The following CCNG1 variants were observed in gnomAD, a reference collection of about 807,000 sequenced individuals.
CCNG1 encodes the protein cyclin-G1.
In CCNG1, 13 loss-of-function variants were observed where a neutral mutation model predicts 30.0. The observed-to-expected ratio is 0.43, with a 90% CI of 0.28 to 0.69. The LOEUF (loss-of-function observed/expected upper bound fraction) is 0.69, where lower values mean the gene tolerates loss of function less well. Ranked by LOEUF, CCNG1 falls within the 30% of genes least tolerant of loss-of-function variation. The probability of loss-of-function intolerance (pLI) is 0.16; values close to 1 mark genes in which losing one functional copy is unlikely to be tolerated. For synonymous variants in CCNG1, 110 were observed against 121.5 expected, an observed-to-expected ratio of 0.91 and a Z score of 0.62; for missense variants, 285 against 331.4, an observed-to-expected ratio of 0.86 and a Z score of 1.09.
the CCNG1 span, among the ~76,000 whole-genome samples, chr5:163,454,663 C>T: frequency 2.6e-5 from 4 of 152,108 alleles, no homozygotes; most frequent in African/African-American, 9.7e-5. Context: ...TTTTTGAGAG[C>T]TTTCTATATG....
chr5:163,451,519 TTTTAC>T, the CCNG1 span: 1 of 152,152 alleles, frequency 6.6e-6, no homozygotes, highest in Admixed American at 6.5e-5. Context: ...AAAAAGTTAA[TTTTAC>T]TTTACTCAAA....
downstream of CCNG1, chr5:163,449,242 G>C (rs1219927004): frequency 6.6e-6 from 1 of 152,122 alleles, no homozygotes; most frequent in Non-Finnish European, 1.5e-5. Flanking sequence ...AGTTTATGTA[G>C]AAAACTTAAT....
rs1346175065 is a variant in CCNG1 at position 163,439,549 on chromosome 5, T to C, written c.264+29T>C. 7 of 1,588,830 alleles carry C rather than the reference T, an allele frequency of 4.4e-6. No individual in the cohort carries two copies. The South Asian group carries it at 8.0e-5, about 18-fold the overall frequency. On this transcript the variant is annotated intron_variant, in intron 2 of 6. Coordinates refer to ENST00000340828, the MANE Select transcript of CCNG1 (RefSeq NM_004060.4). ...TGTTTGAAGCTACATTTTTGTAATT[T>C]TGCTCAGTGTGTTTTGGAGATGGAA...
chr5:163,449,427 T>A (rs1758121019), downstream of CCNG1: 1 of 152,216 alleles, frequency 6.6e-6, no homozygotes, highest in South Asian at 2.1e-4. Flanking sequence ...CACTGTGGAA[T>A]ATATGCTGAA....
At chr5:163,447,139 T>C (rs956213105), downstream of CCNG1, 3 of 152,164 alleles carry the variant, frequency 2.0e-5, no homozygotes, top group Non-Finnish European at 4.4e-5. Context: ...TAAGCACTTA[T>C]TATCAGATCT....
chr5:163,441,181 G>A lies in CCNG1; in HGVS notation c.368G>A (p.Arg123Gln), dbSNP rs769623245. Residue 123 changes from arginine to glutamine, a missense_variant, in exon 3 of 7, where the codon CGA (arginine) becomes CAA (glutamine). By Grantham distance (43) the Arg-to-Gln change is conservative. Transcript: ENST00000340828. ...GTCCCATTGGCAACTGACTTGATCC[G>A]AATAAGTCAATATAGGTTTACGGTT... is the stretch of plus-strand genomic sequence containing the variant. ...RNVPLATDLI[R>Q]ISQYRFTVSD... 2.3e-5 allele frequency: 37 copies of A among 1,613,940 alleles called. No individual in the cohort carries two copies. Among genetic ancestry groups the A allele is most frequent in the Middle Eastern group, 1.6e-4 (1 of 6,062 alleles).
chr5:163,439,419 G>C lies in CCNG1; in HGVS notation c.163G>C (p.Glu55Gln), dbSNP rs200370398. The C allele has an allele frequency of 6.2e-7, 1 of 1,614,050 alleles. No individual in the cohort carries two copies. ...AATGACTGCAAGACTAAGGGACTTT[G>C]AAGTAAAAGATCTTCTTAGTCTAAC... is the stretch of plus-strand genomic sequence containing the variant. ...LRMTARLRDF[E>Q]VKDLLSLTQF... The change falls in exon 2 of 7, where the codon GAA becomes CAA. Residue 55 changes from glutamate to glutamine, a missense_variant. By Grantham distance (29) the Glu-to-Gln change is conservative. Transcript: ENST00000340828.
chr5:163,448,688 A>G (rs575000210), downstream of CCNG1: 22 of 152,338 alleles, frequency 1.4e-4, no homozygotes, highest in African/African-American at 5.0e-4. Context: ...AAACAAAAAC[A>G]ATTGCACAAT....
intron 2 of CCNG1, among the ~76,000 whole-genome samples, chr5:163,440,663 A>G (rs1421380720): frequency 6.6e-6 from 1 of 152,240 alleles, no homozygotes; most frequent in Non-Finnish European, 1.5e-5. Context: ...GTTCCCACAA[A>G]GACAAGAGCC....
the CCNG1 span, chr5:163,453,978 G>C: frequency 6.5e-7 from 1 of 1,529,926 alleles, no homozygotes; most frequent in Non-Finnish European, 8.8e-7. Context: ...TATTTCTCAA[G>C]GTTTGAGAAA....
the CCNG1 span, chr5:163,452,345 G>A: frequency 2.0e-5 from 3 of 152,238 alleles, no homozygotes; most frequent in East Asian, 3.9e-4. Context: ...GGGTTAGGTC[G>A]AGGACAGCAT....
At chr5:163,439,121 G>A (rs1487298284) in intron 1 of CCNG1, 136 bp from the exon 2 acceptor site, 2 of 706,282 alleles carry the variant, frequency 2.8e-6, no homozygotes, top group Admixed American at 2.6e-5. Context: ...ATGGCACTTT[G>A]CAATGACTTA....
At chr5:163,438,579 G>A (rs1289378110) in intron 1 of CCNG1, among the ~76,000 whole-genome samples, 1 of 152,144 alleles carries the variant, frequency 6.6e-6, no homozygotes, top group Non-Finnish European at 1.5e-5. Flanking sequence ...TAAGTAACTT[G>A]AACAGTTCAT....
In CCNG1 at chr5:163,441,327, G is replaced by A; in HGVS notation, c.514G>A (p.Glu172Lys). 1 of 1,613,238 alleles carries A rather than the reference G, an allele frequency of 6.2e-7. No individual in the cohort carries two copies. Among genetic ancestry groups the A allele is most frequent in the Admixed American group, 1.7e-5 (1 of 59,950 alleles). ...YSLLQENLPLERRNSINFERL... is the reference protein window; with the variant it reads ...YSLLQENLPLKRRNSINFERL... The stretch of plus-strand genomic sequence containing the variant: ...ACTCCTTCAAGAGAACTTGCCACTT[G>A]AAAGGTAAGTGACCTTTGTTTTGAA... The change falls in exon 3 of 7, where the codon GAA becomes AAA. Residue 172 changes from glutamate (E) to lysine (K), a missense_variant. By Grantham distance (56) the Glu-to-Lys change is moderately conservative. Transcript: ENST00000340828.
At position 163,444,008 on chromosome 5, in the gene CCNG1, T is replaced by A; in HGVS notation, c.*338T>A. On this transcript the variant is annotated 3_prime_UTR_variant, in exon 7 of 7. Transcript: ENST00000340828. ...ATTTAGGTGGTATTGAAAATGCTAT[T>A]GGAGGAGTCACACTAATACTATCAA... The A allele has an allele frequency of 3.3e-6, 1 of 307,590 alleles. No individual in the cohort carries two copies. The highest frequency in any genetic ancestry group is 6.0e-6 in the Non-Finnish European group (1 of 166,714). The allele number at this position is 307,590 out of a possible 1,614,324, so 19.1% of individuals were successfully genotyped here. A position where few individuals can be genotyped will look rare whatever the true frequency, so the allele number is the denominator to read the frequency against.
rs754399833 is a variant in CCNG1, at chr5:163,442,109, C to T, written c.662C>T (p.Thr221Ile). ...EIQAQKCVELTEGIECLQKHS... is the reference protein window; with the variant it reads ...EIQAQKCVELIEGIECLQKHS... ...CAAGCACAGAAGTGTGTAGAGTTAA[C>T]AGAAGGAATAGAATGTCTTCAGAAA... Residue 221 changes from threonine (T) to isoleucine (I), a missense_variant, in exon 5 of 7, where the codon ACA becomes ATA. By Grantham distance (89) the Thr-to-Ile change is moderately conservative. Coordinates refer to ENST00000340828, the MANE Select transcript of CCNG1 (RefSeq NM_004060.4). 1 of 1,611,342 alleles carries T rather than the reference C, an allele frequency of 6.2e-7. No homozygotes were observed. The highest frequency in any genetic ancestry group is 1.1e-5 in the South Asian group (1 of 90,944).
At chr5:163,443,307 G>A (rs1216042851) in intron 6 of CCNG1, among the ~76,000 whole-genome samples, 1 of 110,508 alleles carries the variant, frequency 9.0e-6, no homozygotes, top group Non-Finnish European at 1.7e-5. Context: ...GCAAGACTCC[G>A]CCACAAAAAA....
chr5:163,442,648 C>T, intron 6 of CCNG1, 80 bp downstream of exon 6: 2 of 1,123,482 alleles, frequency 1.8e-6, no homozygotes, highest in Non-Finnish European at 2.6e-6. Context: ...GAGTAATTAT[C>T]TTCAAAATAA....
the CCNG1 span, chr5:163,451,923 C>T: frequency 6.6e-6 from 1 of 152,204 alleles, no homozygotes; most frequent in African/African-American, 2.4e-5. Context: ...TGTGGCAGCG[C>T]ATGCCTGTAA....
Sources: allele counts gnomAD v4.1 joint callset (sites outside exome capture counted in the v4.1 genomes callset), GRCh38; gene constraint gnomAD v4.1.1; transcripts MANE v1.5; gene names NCBI Gene and HGNC (gene_info 2026-07-23, HGNC 2026-07-21).